Variants in NRXN1 observed in about 807,000 individuals in gnomAD.
The protein encoded by NRXN1 is neurexin-1.
A neutral mutation model predicts 150.9 loss-of-function variants in NRXN1; 39 were observed. The observed-to-expected ratio is 0.26, with a 90% CI of 0.20 to 0.34. The LOEUF is 0.34. Among genes scored for constraint, NRXN1 ranks in the 10% least tolerant of loss-of-function variants. The pLI, the probability that NRXN1 is intolerant of heterozygous loss-of-function variation, is 1.00. For synonymous variants in NRXN1, 924 were observed against 757.0 expected (o/e 1.22, Z -3.62); for missense variants, 1,815 against 1,949.9 (o/e 0.93, Z 1.30).
chr2:50,931,814 T>A (rs956309825), intron 2 of NRXN1, among the ~76,000 whole-genome samples: 1 of 152,070 alleles, frequency 6.6e-6, no homozygotes, highest in Non-Finnish European at 1.5e-5. Context: ...CTAAATAAAT[T>A]AGATCATACA....
At chr2:50,634,023 T>A (rs907038395) in intron 5 of NRXN1, among the ~76,000 whole-genome samples, 22 of 152,154 alleles carry the variant, frequency 1.4e-4, no homozygotes, top group Non-Finnish European at 2.8e-4. Flanking sequence ...TAGGAAAAAA[T>A]CCAGTGAGCA....
At chr2:50,431,440 G>A (rs2084956139) in intron 17 of NRXN1, among the ~76,000 whole-genome samples, 1 of 152,002 alleles carries the variant, frequency 6.6e-6, no homozygotes, top group South Asian at 2.1e-4. Context: ...CCTGAGATTG[G>A]GCATTTTTCA....
At chr2:50,812,846 C>A (rs1420927793) in intron 5 of NRXN1, among the ~76,000 whole-genome samples, 5 of 150,726 alleles carry the variant, frequency 3.3e-5, no homozygotes, top group African/African-American at 1.2e-4. Flanking sequence ...AGAGAATACA[C>A]TGATCTAGTG....
chr2:50,404,463 AG>A (rs1428579673), intron 17 of NRXN1, among the ~76,000 whole-genome samples: 1 of 152,102 alleles, frequency 6.6e-6, no homozygotes, highest in African/African-American at 2.4e-5. Flanking sequence ...CTCAGTGAAA[AG>A]CTTCTTAGCA....
chr2:50,228,335 G>C (rs775337230), intron 18 of NRXN1, among the ~76,000 whole-genome samples: 5 of 151,864 alleles, frequency 3.3e-5, no homozygotes, highest in African/African-American at 4.8e-5. Flanking sequence ...TATTTCTCTT[G>C]GATGGTATAG....
intron 5 of NRXN1, among the ~76,000 whole-genome samples, chr2:50,824,933 T>C (rs1424914297): frequency 6.6e-6 from 1 of 152,218 alleles, no homozygotes; most frequent in Non-Finnish European, 1.5e-5. Context: ...TTTGTTATTA[T>C]GTTTTTCAAT....
intron 18 of NRXN1, among the ~76,000 whole-genome samples, chr2:50,155,379 T>C (rs1020079033): frequency 1.3e-5 from 2 of 150,632 alleles, no homozygotes; most frequent in African/African-American, 4.9e-5. Context: ...GGCATACATA[T>C]ACACTTCCCT....
intron 2 of NRXN1, among the ~76,000 whole-genome samples, chr2:51,006,909 G>A (rs922828388): frequency 6.6e-6 from 1 of 151,826 alleles, no homozygotes; most frequent in Non-Finnish European, 1.5e-5. Flanking sequence ...AGTTGCTTGT[G>A]CCCTATCATT....
At chr2:50,868,694 T>G (rs1677328612) in intron 5 of NRXN1, among the ~76,000 whole-genome samples, 1 of 151,886 alleles carries the variant, frequency 6.6e-6, no homozygotes, top group African/African-American at 2.4e-5. Context: ...CTTTTAAACT[T>G]GATATTAAAA....
At chr2:50,343,665 A>C (rs1389148225) in intron 17 of NRXN1, among the ~76,000 whole-genome samples, 1 of 152,198 alleles carries the variant, frequency 6.6e-6, no homozygotes, top group East Asian at 1.9e-4. Context: ...GCGCCCTGCA[A>C]ACCTTGTAAG....
chr2:50,647,737 G>A (rs1276246068), intron 5 of NRXN1, among the ~76,000 whole-genome samples: 1 of 151,870 alleles, frequency 6.6e-6, no homozygotes, highest in Non-Finnish European at 1.5e-5. Flanking sequence ...AGGAAAGTTT[G>A]TAAATAATTA....
In NRXN1 at chr2:50,021,107, GC is replaced by G. The variant is rs1340332282; in HGVS notation, c.4128+32163del. On this transcript the variant is annotated intron_variant, in intron 21 of 22. Transcript: ENST00000401669. ...AACTCTTGCCTAGCAGCTTCAATAA[GC>G]TTTTGCAAAGTGTTGAATTCCAGTA... Among the ~76,000 whole-genome samples, 3 of 152,280 alleles carry G rather than the reference GC, an allele frequency of 2.0e-5. No individual in the cohort carries two copies. In the East Asian group the frequency reaches 5.8e-4, roughly 29 times the overall value.
chr2:50,699,097 T>A (rs971210258), intron 5 of NRXN1, among the ~76,000 whole-genome samples: 1 of 152,212 alleles, frequency 6.6e-6, no homozygotes, highest in Non-Finnish European at 1.5e-5. Flanking sequence ...GCAGCCTGTA[T>A]GTACCATGCA....
chr2:50,492,936 T>TTA (rs2104878289), intron 15 of NRXN1, among the ~76,000 whole-genome samples: 1 of 152,328 alleles, frequency 6.6e-6, no homozygotes, highest in African/African-American at 2.4e-5. Context: ...ATGCCTGTTT[T>TTA]CTGTGCATCT....
chr2:50,439,382 C>A (rs2085723152), intron 17 of NRXN1, among the ~76,000 whole-genome samples: 1 of 152,108 alleles, frequency 6.6e-6, no homozygotes, highest in Non-Finnish European at 1.5e-5. Flanking sequence ...AAACTACAGT[C>A]AACAAAACTG....
intron 5 of NRXN1, among the ~76,000 whole-genome samples, chr2:50,627,190 A>G (rs1681262878): frequency 6.6e-6 from 1 of 151,850 alleles, no homozygotes; most frequent in African/African-American, 2.4e-5. Context: ...GGCATTATGC[A>G]ATCCCATGGG....
chr2:50,634,541 A>G (rs556612485), intron 5 of NRXN1, among the ~76,000 whole-genome samples: 2 of 152,322 alleles, frequency 1.3e-5, no homozygotes, highest in East Asian at 1.9e-4. Flanking sequence ...TTATGTATAT[A>G]TGTTATATTT....
At chr2:50,254,346 T>C (rs1229421042) in intron 17 of NRXN1, among the ~76,000 whole-genome samples, 1 of 151,532 alleles carries the variant, frequency 6.6e-6, no homozygotes, top group African/African-American at 2.4e-5. Flanking sequence ...TGTCTTATTA[T>C]TTTTTTTCAA....
At chr2:50,794,256 G>A (rs1166958403) in intron 5 of NRXN1, among the ~76,000 whole-genome samples, 1 of 151,870 alleles carries the variant, frequency 6.6e-6, no homozygotes, top group Non-Finnish European at 1.5e-5. Context: ...ATCATTTGTC[G>A]GCATCAAATT....
Sources: gnomAD v4.1 joint callset for allele counts (sites outside exome capture counted in the v4.1 genomes callset) on GRCh38, gnomAD v4.1.1 for gene constraint, MANE v1.5 for transcripts, NCBI Gene and HGNC (gene_info 2026-07-23, HGNC 2026-07-21) for gene names.